NEB: variants seen among roughly 807,000 people sequenced by gnomAD.
The protein encoded by NEB is nebulin.
Under a neutral mutation model 952.2 loss-of-function variants are expected in NEB, and 512 were observed. The ratio of observed to expected loss-of-function variants is 0.54; its 90% confidence interval spans 0.50 to 0.58. The LOEUF (loss-of-function observed/expected upper bound fraction) is 0.58. NEB is among the 20% of genes least tolerant of loss of function. The probability of loss-of-function intolerance (pLI) is 0.00; values close to 1 mark genes in which losing one functional copy is unlikely to be tolerated. For synonymous variants in NEB, 2,900 were observed against 3,149.8 expected, an observed-to-expected ratio of 0.92 and a Z score of 2.66; for missense variants, 8,428 against 9,231.1, an observed-to-expected ratio of 0.91 and a Z score of 3.56.
intron 125 of NEB, 129 bp downstream of exon 125, chr2:151,554,802 C>T (rs751366549): frequency 4.1e-6 from 3 of 737,406 alleles, no homozygotes; most frequent in Non-Finnish European, 7.3e-6. Flanking sequence ...AGTCTAGGAG[C>T]AATAGGCTAT....
chr2:151,565,956 C>G (rs917394990), intron 114 of NEB, 136 bp from the exon 115 acceptor site: 2 of 621,494 alleles, frequency 3.2e-6, no homozygotes, highest in Admixed American at 5.7e-5. Flanking sequence ...ATTGTGATTT[C>G]ACCTGAGCAA....
intron 18 of NEB, among the ~76,000 whole-genome samples, chr2:151,694,831 T>A (rs748228984): frequency 6.6e-6 from 1 of 152,206 alleles, no homozygotes; most frequent in African/African-American, 2.4e-5. Context: ...CTACTCCCCA[T>A]GAGAATTTTT....
chr2:151,539,733 C>A (rs998106629), intron 138 of NEB, among the ~76,000 whole-genome samples: 1 of 152,112 alleles, frequency 6.6e-6, no homozygotes, highest in East Asian at 1.9e-4. Flanking sequence ...GCCTTGCCCT[C>A]GATTGTGTGA....
At chr2:151,637,331 A>G (rs1209397405) in intron 63 of NEB, among the ~76,000 whole-genome samples, 1 of 152,148 alleles carries the variant, frequency 6.6e-6, no homozygotes, top group African/African-American at 2.4e-5. Context: ...CACGTGAATC[A>G]AGGCACCACT....
In NEB at chr2:151,640,682, G is replaced by C; in HGVS notation, c.8374-16C>G. The C allele has an allele frequency of 6.3e-7, 1 of 1,599,406 alleles. No individual in the cohort carries two copies. Among genetic ancestry groups the C allele is most frequent in the Non-Finnish European group, 8.5e-7 (1 of 1,170,076 alleles). ...TGTACTTGAACTAAAAGAAGAAAAAGACAGATAGTCATCTGTTTTAACTTT... is the reference window on the plus strand; with the variant it reads ...TGTACTTGAACTAAAAGAAGAAAAACACAGATAGTCATCTGTTTTAACTTT... On this transcript the variant is annotated splice_polypyrimidine_tract_variant and intron_variant, in intron 60 of 181. Transcript: ENST00000397345.
At chr2:151,507,195 T>A in intron 162 of NEB, 182 bp from the exon 163 acceptor site, 1 of 549,946 alleles carries the variant, frequency 1.8e-6, no homozygotes, top group Non-Finnish European at 3.2e-6. Context: ...AAACTAATTT[T>A]AAAAAACATA....
rs762129201 is a variant in NEB at position 151,695,569 on chromosome 2, G to T, written c.1674+9C>A. 6.2e-6 allele frequency: 10 copies of T among 1,604,450 alleles called. No individual in the cohort carries two copies. The Admixed American group carries it at 1.7e-4, about 27-fold the overall frequency. On this transcript the variant is annotated intron_variant, in intron 18 of 181. Transcript: ENST00000397345. ...GTACATCACATGGTACAGGGCATAA[G>T]GAACTTACATCACTCAAGTTATAGG...
At chr2:151,656,560 A>T in intron 48 of NEB, 96 bp from the exon 49 acceptor site, 1 of 653,974 alleles carries the variant, frequency 1.5e-6, no homozygotes, top group Non-Finnish European at 2.2e-6. Flanking sequence ...TAATTATAAA[A>T]TATAATTAAA....
chr2:151,672,093 C>T (rs1033032561), intron 37 of NEB, among the ~76,000 whole-genome samples: 1 of 152,134 alleles, frequency 6.6e-6, no homozygotes, highest in Non-Finnish European at 1.5e-5. Context: ...TACCCATCTC[C>T]TCTTGCTGTG....
chr2:151,503,805 T>A (rs2066664287), intron 165 of NEB, among the ~76,000 whole-genome samples: 1 of 152,184 alleles, frequency 6.6e-6, no homozygotes, highest in Non-Finnish European at 1.5e-5. Flanking sequence ...AATAGATTGC[T>A]TGGTTTAAAA....
At chr2:151,509,303 C>T (rs1362057904) in intron 161 of NEB, among the ~76,000 whole-genome samples, 1 of 146,154 alleles carries the variant, frequency 6.8e-6, no homozygotes, top group East Asian at 2.0e-4. Context: ...ACCTGGATGA[C>T]TCCTTAGCTA....
At chr2:151,715,641 G>A (rs979584454) in intron 10 of NEB, among the ~76,000 whole-genome samples, 1 of 152,228 alleles carries the variant, frequency 6.6e-6, no homozygotes, top group African/African-American at 2.4e-5. Context: ...TACAAGCCAG[G>A]AAGGGGTCTC....
intron 114 of NEB, among the ~76,000 whole-genome samples, chr2:151,566,213 G>T (rs966545692): frequency 6.6e-6 from 1 of 152,192 alleles, no homozygotes; most frequent in Non-Finnish European, 1.5e-5. Context: ...GTAGAAGTAT[G>T]TGGGGCATTT....
chr2:151,570,296 C>T lies in NEB; in HGVS notation c.17215G>A (p.Asp5739Asn), dbSNP rs200672818. The change falls in exon 109 of 182, where the codon GAC becomes AAC. Residue 5739 changes from aspartate to asparagine, a missense_variant. Physicochemically the swap from Asp to Asn is conservative, Grantham distance 23 (BLOSUM62 1). This residue lies in a region of NEB where 3,374 missense variants were observed against 3,651.5 expected (regional missense o/e 0.92). Coordinates refer to ENST00000397345, the MANE Select transcript of NEB (RefSeq NM_001164508.2). Reference protein sequence around the residue: ...DNKIRWALIADKLQNEREYRL... With the variant: ...DNKIRWALIANKLQNEREYRL... ...TACTCTCGTTCATTCTGGAGCTTGT[C>T]AGCTATGAGGGCCCAGCGGATCTTG... is the stretch of plus-strand genomic sequence containing the variant. 1.5e-5 allele frequency: 25 copies of T among 1,612,934 alleles called. No homozygotes were observed. The African/African-American group carries it at 2.8e-4, about 18-fold the overall frequency.
Position 151,537,954 on chromosome 2 carries a change from A to G in NEB, c.21020T>C (p.Met7007Thr). 1 of 1,611,058 alleles carries G rather than the reference A, an allele frequency of 6.2e-7. No homozygotes were observed. Among genetic ancestry groups the G allele is most frequent in the African/African-American group, 1.3e-5 (1 of 74,976 alleles). Residue 7007 changes from methionine (M) to threonine (T), a missense_variant, in exon 140 of 182, where the codon ATG (methionine) becomes ACG (threonine). Around this residue, in one of 11 missense-constraint regions of NEB, gnomAD observed 3,374 missense variants for 3,651.5 expected, o/e 0.92. Transcript: ENST00000397345. ...GGACCTCCAGATACCCAACTGGCTC[A>G]TGTAGTTCTCCTTGTATTTTATCTG... ...ISKIKYKENY[M>T]SQLGIWRSIP...
At chr2:151,509,889 C>CGA (rs1035172911) in intron 161 of NEB, among the ~76,000 whole-genome samples, 1 of 152,128 alleles carries the variant, frequency 6.6e-6, no homozygotes, top group African/African-American at 2.4e-5. Context: ...ATTACAGGCG[C>CGA]GAGCCACTGC....
intron 57 of NEB, 136 bp from the exon 58 acceptor site, chr2:151,643,489 A>C: frequency 2.4e-6 from 2 of 850,290 alleles, no homozygotes. Flanking sequence ...AATTATTAGA[A>C]AATTCTAAAT....
intron 181 of NEB, among the ~76,000 whole-genome samples, chr2:151,487,595 A>C (rs531006251): frequency 1.3e-5 from 2 of 152,276 alleles, no homozygotes; most frequent in Middle Eastern, 3.4e-3. Flanking sequence ...ATCACGAATT[A>C]TTCAGCCATT....
At chr2:151,691,692 C>T (rs1409519555) in intron 23 of NEB, among the ~76,000 whole-genome samples, 172 bp downstream of exon 23, 1 of 152,116 alleles carries the variant, frequency 6.6e-6, no homozygotes, top group Non-Finnish European at 1.5e-5. Flanking sequence ...TAGCAAATGG[C>T]CTTCCTCAAC....
Sources: gnomAD v4.1 joint callset for allele counts (sites outside exome capture counted in the v4.1 genomes callset) on GRCh38, gnomAD v4.1.1 for gene constraint, gnomAD v4.1.1 regional missense constraint, MANE v1.5 for transcripts, NCBI Gene and HGNC (gene_info 2026-07-23, HGNC 2026-07-21) for gene names.